Variants in CLCN3 observed in about 807,000 individuals in gnomAD.
CLCN3 encodes the protein Cl-/H+ antiporter 3, also known as H(+)/Cl(-) exchange transporter 3.
A neutral mutation model predicts 83.4 loss-of-function variants in CLCN3; 16 were observed. That is an observed-to-expected ratio of 0.19 (90% CI 0.13 to 0.29). The LOEUF (loss-of-function observed/expected upper bound fraction) is 0.29, where lower values mean the gene tolerates loss of function less well. CLCN3 is among the 10% of genes least tolerant of loss of function. The pLI is 1.00. For synonymous variants in CLCN3, 322 were observed against 346.2 expected, an observed-to-expected ratio of 0.93 and a Z score of 0.78; for missense variants, 544 against 1,006.0, an observed-to-expected ratio of 0.54 and a Z score of 6.21.
chr4:169,632,329 A>C (rs909093825), intron 1 of CLCN3, among the ~76,000 whole-genome samples: 1 of 152,148 alleles, frequency 6.6e-6, no homozygotes, highest in African/African-American at 2.4e-5. Context: ...TAAGATATAC[A>C]ACTGGCCAAC....
At chr4:169,702,777 CAA>C (rs60812626) in intron 9 of CLCN3, 728 of 245,664 alleles carry the variant, frequency 3.0e-3, no homozygotes, top group South Asian at 6.1e-3. Flanking sequence ...CCCATCTCTA[CAA>C]AAAAAAAAAA....
intron 2 of CLCN3, among the ~76,000 whole-genome samples, 179 bp from the exon 3 acceptor site, chr4:169,679,871 C>A (rs1344919205): frequency 8.2e-6 from 1 of 121,378 alleles, no homozygotes; most frequent in Non-Finnish European, 1.9e-5. Context: ...AGAGGGAGAC[C>A]GTGGAAGGCG....
chr4:169,706,125 C>T (rs1732984652), intron 10 of CLCN3, among the ~76,000 whole-genome samples: 7 of 152,078 alleles, frequency 4.6e-5, no homozygotes. Flanking sequence ...CAAACCCCAG[C>T]CCAAACGAGC....
At chr4:169,699,516 G>C (rs1474138705) in intron 9 of CLCN3, among the ~76,000 whole-genome samples, 1 of 152,134 alleles carries the variant, frequency 6.6e-6, no homozygotes, top group Non-Finnish European at 1.5e-5. Flanking sequence ...AATTAGAGTG[G>C]TTTTAGTTTT....
chr4:169,697,840 T>C (rs912833885), intron 9 of CLCN3, 106 bp downstream of exon 9: 9 of 739,236 alleles, frequency 1.2e-5, no homozygotes, highest in African/African-American at 5.3e-5. Flanking sequence ...AAAGTACTTA[T>C]CTTTTGAGTT....
intron 2 of CLCN3, among the ~76,000 whole-genome samples, chr4:169,649,840 T>C (rs1226294749): frequency 6.6e-6 from 1 of 152,096 alleles, no homozygotes; most frequent in African/African-American, 2.4e-5. Flanking sequence ...TCCCAGCACT[T>C]TGGGAGGCCG....
intron 2 of CLCN3, among the ~76,000 whole-genome samples, chr4:169,638,817 C>G (rs563164237): frequency 6.6e-6 from 1 of 152,200 alleles, no homozygotes; most frequent in East Asian, 1.9e-4. Flanking sequence ...TTTTCTAGAA[C>G]CTTATCATTA....
At chr4:169,676,404 C>T (rs1191208189) in intron 2 of CLCN3, among the ~76,000 whole-genome samples, 1 of 152,040 alleles carries the variant, frequency 6.6e-6, no homozygotes, top group African/African-American at 2.4e-5. Context: ...AATTTCTTCC[C>T]AAAATGTTTG....
At chr4:169,638,921 A>G (rs964314167) in intron 2 of CLCN3, among the ~76,000 whole-genome samples, 21 of 152,202 alleles carry the variant, frequency 1.4e-4, no homozygotes, top group Non-Finnish European at 2.9e-4. Context: ...ATTGGTTAGG[A>G]CAATTATGAT....
At chr4:169,667,776 C>T (rs189982541) in intron 2 of CLCN3, among the ~76,000 whole-genome samples, 17 of 149,350 alleles carry the variant, frequency 1.1e-4, no homozygotes, top group South Asian at 8.6e-4. Context: ...AGATGGATCT[C>T]GCTCTGTCGC....
chr4:169,691,628 A>G (rs896266452), intron 6 of CLCN3, among the ~76,000 whole-genome samples: 3 of 152,216 alleles, frequency 2.0e-5, no homozygotes, highest in African/African-American at 7.2e-5. Context: ...TATCTTTCAT[A>G]AAAAGCAATA....
chr4:169,682,647 A>G (rs747585597), intron 3 of CLCN3, among the ~76,000 whole-genome samples: 3 of 152,218 alleles, frequency 2.0e-5, no homozygotes, highest in Non-Finnish European at 4.4e-5. Flanking sequence ...TTCTTATTTC[A>G]TCACACAAAA....
intron 3 of CLCN3, among the ~76,000 whole-genome samples, chr4:169,681,416 T>G (rs141301787): frequency 1.2e-3 from 180 of 152,370 alleles, no homozygotes; most frequent in Admixed American, 8.4e-3. Flanking sequence ...ACACAAATTA[T>G]AAGCTTCCAT....
At chr4:169,626,193 C>T (rs1773230102) in intron 1 of CLCN3, among the ~76,000 whole-genome samples, 1 of 152,168 alleles carries the variant, frequency 6.6e-6, no homozygotes. Context: ...GAAACACTTA[C>T]CGGTTTATTA....
chr4:169,641,714 G>T (rs1581197763), intron 2 of CLCN3, among the ~76,000 whole-genome samples: 1 of 152,236 alleles, frequency 6.6e-6, no homozygotes, highest in East Asian at 1.9e-4. Flanking sequence ...AAGCTGAGTG[G>T]CCATCTCTTA....
intron 2 of CLCN3, chr4:169,660,534 T>A (rs766287721): frequency 1.0e-6 from 1 of 968,506 alleles, no homozygotes; most frequent in Non-Finnish European, 1.4e-6. Context: ...GGTTCTCGTT[T>A]GTCCTTTAAA....
chr4:169,703,966 C>G lies in CLCN3; in HGVS notation c.1564-32C>G, dbSNP rs1368874631. 3 of 1,604,536 alleles carry G rather than the reference C, an allele frequency of 1.9e-6. No individual in the cohort carries two copies. In the Middle Eastern group the frequency reaches 5.0e-4, roughly 266 times the overall value. ...TTTCAGGCATGTGAGTAGAGGATCTCTGCTCCATAAAGAGTTCTGTTGTTG... is the reference window on the plus strand; with the variant it reads ...TTTCAGGCATGTGAGTAGAGGATCTGTGCTCCATAAAGAGTTCTGTTGTTG... On this transcript the variant is annotated intron_variant, in intron 9 of 12. Transcript: ENST00000513761.
chr4:169,620,801 C>G lies in CLCN3; in HGVS notation c.-279C>G, dbSNP rs1190794592. 1.5e-5 allele frequency: 6 copies of G among 398,466 alleles called. No homozygotes were observed. The highest frequency in any genetic ancestry group is 2.2e-5 in the Non-Finnish European group (5 of 226,080). 24.7% of individuals were successfully genotyped at this position (398,466 alleles called of 1,614,324 possible). ...AATTTTGGGCAGAAGCAGGTTGACT[C>G]TAGGGATCTCCAGAGCGAGAGGATT... On this transcript the variant is annotated 5_prime_UTR_variant, in exon 1 of 13. Coordinates refer to ENST00000513761, the MANE Select transcript of CLCN3 (RefSeq NM_001829.4).
At chr4:169,651,324 G>A (rs1396202241) in intron 2 of CLCN3, among the ~76,000 whole-genome samples, 2 of 152,122 alleles carry the variant, frequency 1.3e-5, no homozygotes, top group Non-Finnish European at 2.9e-5. Flanking sequence ...TGGGAGAATT[G>A]AGAAAATTTT....
Sources: allele counts gnomAD v4.1 joint callset (sites outside exome capture counted in the v4.1 genomes callset), GRCh38; gene constraint gnomAD v4.1.1; transcripts MANE v1.5; gene names NCBI Gene and HGNC (gene_info 2026-07-23, HGNC 2026-07-21).